Variants in WWP2 observed in about 807,000 individuals in gnomAD.
WWP2 encodes NEDD4-like E3 ubiquitin-protein ligase WWP2.
A neutral mutation model predicts 121.0 loss-of-function variants in WWP2; 57 were observed. The observed-to-expected ratio is 0.47, with a 90% CI of 0.38 to 0.59. The LOEUF (loss-of-function observed/expected upper bound fraction) is 0.59. Among genes scored for constraint, WWP2 ranks in the 20% least tolerant of loss-of-function variants. The pLI, the probability that WWP2 is intolerant of heterozygous loss-of-function variation, is 0.00. For missense variants in WWP2, 962 were observed against 1,158.9 expected (o/e 0.83, Z 2.47); for synonymous variants, 449 against 441.3 (o/e 1.02, Z -0.22).
At chr16:69,769,905 C>T (rs891474007) in intron 1 of WWP2, among the ~76,000 whole-genome samples, 21 of 144,526 alleles carry the variant, frequency 1.5e-4, no homozygotes, top group African/African-American at 5.1e-4. Context: ...GATAGAATCT[C>T]GCTGTGTCGC....
At chr16:69,850,109 G>A (rs75031249) in intron 6 of WWP2, among the ~76,000 whole-genome samples, 22,313 of 152,026 alleles carry the variant, frequency 0.15, 1,890 homozygotes, top group East Asian at 0.38. Flanking sequence ...AAAGTCGGCC[G>A]GGCGCAGTGG....
chr16:69,834,743 G>T (rs921580576), intron 4 of WWP2, among the ~76,000 whole-genome samples: 1 of 151,512 alleles, frequency 6.6e-6, no homozygotes, highest in Non-Finnish European at 1.5e-5. Context: ...GGCCAGGCTG[G>T]TCTCAAACTC....
At position 69,931,589 on chromosome 16, in the gene WWP2, A is replaced by G. The variant is rs758095666; in HGVS notation, c.1593+9A>G. ...AAGATTCCTTCCAACAGGTTAGATC[A>G]TGGTGCCCGAAACCAGTGGCAGGCC... On this transcript the variant is annotated intron_variant, in intron 15 of 23. Transcript: ENST00000359154. 5 of 1,613,400 alleles carry G rather than the reference A, an allele frequency of 3.1e-6. No homozygotes were observed. Among genetic ancestry groups the G allele is most frequent in the South Asian group, 2.2e-5 (2 of 91,058 alleles).
chr16:69,934,191 G>C, intron 17 of WWP2, 62 bp downstream of exon 17: 1 of 1,589,818 alleles, frequency 6.3e-7, no homozygotes, highest in Non-Finnish European at 8.6e-7. Context: ...CCCTCTCCTG[G>C]TGAAGTGTGC....
At chr16:69,854,411 T>G (rs947570129) in intron 6 of WWP2, among the ~76,000 whole-genome samples, 2 of 152,182 alleles carry the variant, frequency 1.3e-5, no homozygotes, top group African/African-American at 4.8e-5. Flanking sequence ...ATGGCTCCTT[T>G]TAAAGTGCCA....
chr16:69,874,941 G>C (rs1036090046), intron 7 of WWP2, among the ~76,000 whole-genome samples: 6 of 151,898 alleles, frequency 4.0e-5, no homozygotes, highest in African/African-American at 1.5e-4. Flanking sequence ...AGGATCGTTT[G>C]AGCCTAGGAG....
chr16:69,822,917 A>G (rs1271758217), intron 4 of WWP2, among the ~76,000 whole-genome samples: 2 of 152,206 alleles, frequency 1.3e-5, no homozygotes, highest in Non-Finnish European at 1.5e-5. Context: ...CCAGTGGATC[A>G]TTTGAGGCCA....
At chr16:69,832,539 A>T (rs899808478) in intron 4 of WWP2, among the ~76,000 whole-genome samples, 14 of 152,080 alleles carry the variant, frequency 9.2e-5, no homozygotes, top group Admixed American at 2.0e-4. Flanking sequence ...TTTTATTTTT[A>T]AAAAATTTTT....
chr16:69,933,879 C>T (rs556293163), intron 16 of WWP2, 91 bp from the exon 17 acceptor site: 30 of 1,468,060 alleles, frequency 2.0e-5, no homozygotes, highest in African/African-American at 2.8e-5. Context: ...CCCATACTAA[C>T]CTGAGACACG....
At chr16:69,918,137 C>G (rs1339300725) in intron 10 of WWP2, among the ~76,000 whole-genome samples, 2 of 151,588 alleles carry the variant, frequency 1.3e-5, no homozygotes, top group Admixed American at 1.3e-4. Flanking sequence ...GTCTTTCTTC[C>G]GAGATCGGCT....
chr16:69,858,075 T>G (rs905087869), intron 6 of WWP2, among the ~76,000 whole-genome samples: 16 of 152,228 alleles, frequency 1.1e-4, no homozygotes, highest in Non-Finnish European at 2.1e-4. Flanking sequence ...AGGGCCCGGT[T>G]GGTTTTGTTC....
chr16:69,941,261 G>A lies in WWP2; in HGVS notation c.*1321G>A, dbSNP rs959634815. The A allele has an allele frequency of 2.0e-5, 3 of 152,802 alleles. No homozygotes were observed. The highest frequency in any genetic ancestry group is 4.1e-4 in the South Asian group (2 of 4,820). The allele number at this position is 152,802 out of a possible 1,614,324, so 9.5% of individuals were successfully genotyped here. A position where few individuals can be genotyped will look rare whatever the true frequency, so the allele number is the denominator to read the frequency against. Reference sequence around the variant, plus strand: ...CATGCCCCACCGGGGTGCTGGGGCAGTAGTCATGGCAGACTCCCGGCCTGG... The same window carrying A: ...CATGCCCCACCGGGGTGCTGGGGCAATAGTCATGGCAGACTCCCGGCCTGG... On this transcript the variant is annotated 3_prime_UTR_variant, in exon 24 of 24. Coordinates refer to ENST00000359154, the MANE Select transcript of WWP2 (RefSeq NM_001270454.2).
intron 1 of WWP2, among the ~76,000 whole-genome samples, chr16:69,778,647 G>A (rs975667348): frequency 6.6e-6 from 1 of 151,934 alleles, no homozygotes; most frequent in Non-Finnish European, 1.5e-5. Context: ...CTATAGTTAC[G>A]GTTATTTCTC....
intron 6 of WWP2, among the ~76,000 whole-genome samples, chr16:69,847,147 C>T (rs189778106): frequency 1.3e-5 from 2 of 152,088 alleles, no homozygotes; most frequent in Non-Finnish European, 2.9e-5. Context: ...TGCAGTGCCA[C>T]GATCTCGGCT....
At chr16:69,933,721 C>CA (rs1407311036) in intron 16 of WWP2, among the ~76,000 whole-genome samples, 1 of 152,150 alleles carries the variant, frequency 6.6e-6, no homozygotes, top group Non-Finnish European at 1.5e-5. Flanking sequence ...TGGGAGCCGA[C>CA]AATCACACGT....
chr16:69,791,256 C>G (rs1274313846), intron 2 of WWP2, among the ~76,000 whole-genome samples: 2 of 150,598 alleles, frequency 1.3e-5, no homozygotes, highest in African/African-American at 4.9e-5. Flanking sequence ...GAGACGGAGT[C>G]TCGCTCTATC....
chr16:69,840,231 G>T lies in WWP2; in HGVS notation c.446G>T (p.Gly149Val). The T allele has an allele frequency of 6.2e-7, 1 of 1,611,862 alleles. No individual in the cohort carries two copies. The highest frequency in any genetic ancestry group is 8.5e-7 in the Non-Finnish European group (1 of 1,178,610). The change falls in exon 5 of 24, where the codon GGA becomes GTA. Residue 149 changes from glycine (G) to valine (V), a missense_variant. Coordinates refer to ENST00000359154, the MANE Select transcript of WWP2 (RefSeq NM_001270454.2). ...IFLDGPTVDL[G>V]NVPNGSALTD... ...CTGGACGGGCCAACTGTTGATCTGG[G>T]AAATGTGCCTAATGGCAGTGCCCTG...
chr16:69,939,233 G>C (rs1234623548), intron 22 of WWP2, 108 bp from the exon 23 acceptor site: 3 of 1,556,544 alleles, frequency 1.9e-6, no homozygotes, highest in African/African-American at 1.4e-5. Context: ...GAGAAGAGCT[G>C]TGGCCTCTGC....
intron 4 of WWP2, among the ~76,000 whole-genome samples, chr16:69,829,957 ATTT>A: frequency 6.9e-6 from 1 of 144,946 alleles, no homozygotes; most frequent in African/African-American, 2.5e-5. Context: ...CGCCCAGCTA[ATTT>A]TTTTTTTTTT....
Sources: gnomAD v4.1 joint callset for allele counts (sites outside exome capture counted in the v4.1 genomes callset) on GRCh38, gnomAD v4.1.1 for gene constraint, MANE v1.5 for transcripts, NCBI Gene and HGNC (gene_info 2026-07-23, HGNC 2026-07-21) for gene names.